The following RTF2 variants were observed in gnomAD, a reference collection of about 807,000 sequenced individuals.
The protein encoded by RTF2 is replication termination factor 2.
In RTF2, 18 loss-of-function variants were observed where a neutral mutation model predicts 38.0. The ratio of observed to expected loss-of-function variants is 0.47; its 90% confidence interval spans 0.33 to 0.70. The LOEUF (loss-of-function observed/expected upper bound fraction) is 0.70, where lower values mean the gene tolerates loss of function less well. RTF2 is among the 30% of genes least tolerant of loss of function. The pLI is 0.02. For missense variants in RTF2, 311 were observed against 379.6 expected, an observed-to-expected ratio of 0.82 and a Z score of 1.50; for synonymous variants, 126 against 137.1, an observed-to-expected ratio of 0.92 and a Z score of 0.57.
intron 1 of RTF2, among the ~76,000 whole-genome samples, chr20:56,469,004 A>G (rs775188262): frequency 1.3e-5 from 2 of 152,224 alleles, no homozygotes; most frequent in African/African-American, 2.4e-5. Context: ...AATTATCACA[A>G]TAGCCCTATA....
At chr20:56,506,020 G>T (rs1984246046) in intron 5 of RTF2, among the ~76,000 whole-genome samples, 1 of 152,172 alleles carries the variant, frequency 6.6e-6, no homozygotes, top group African/African-American at 2.4e-5. Context: ...CATACGACGT[G>T]ATGGGCACCG....
chr20:56,516,867 G>A, intron 6 of RTF2, 68 bp from the exon 7 acceptor site: 10 of 1,451,864 alleles, frequency 6.9e-6, no homozygotes, highest in South Asian at 1.1e-5. Flanking sequence ...GGGACAATGG[G>A]CAGCCACACT....
intron 1 of RTF2, 64 bp downstream of exon 1, chr20:56,468,830 G>A (rs1981815258): frequency 3.6e-6 from 5 of 1,392,434 alleles, no homozygotes; most frequent in Non-Finnish European, 4.0e-6. Context: ...CCCAGAAAAC[G>A]AGAGGAAGTA....
chr20:56,481,879 C>G (rs1040004705), intron 4 of RTF2, among the ~76,000 whole-genome samples: 1 of 152,194 alleles, frequency 6.6e-6, no homozygotes, highest in Non-Finnish European at 1.5e-5. Context: ...TGCATAGAAT[C>G]ATACAATATG....
chr20:56,507,236 C>T (rs181292458), intron 5 of RTF2, among the ~76,000 whole-genome samples: 2 of 152,250 alleles, frequency 1.3e-5, no homozygotes, highest in South Asian at 2.1e-4. Flanking sequence ...GCGGCAGCCC[C>T]ACTCCCCATC....
At chr20:56,514,994 C>T (rs1037667029) in intron 6 of RTF2, among the ~76,000 whole-genome samples, 6 of 151,042 alleles carry the variant, frequency 4.0e-5, no homozygotes, top group African/African-American at 1.5e-4. Flanking sequence ...TTGCAGTGAG[C>T]CGAGATCGCA....
intron 5 of RTF2, among the ~76,000 whole-genome samples, chr20:56,499,531 A>G (rs958114274): frequency 2.0e-5 from 3 of 152,042 alleles, no homozygotes; most frequent in Non-Finnish European, 4.4e-5. Context: ...ATTTTATATG[A>G]GATTTCTAAA....
intron 5 of RTF2, among the ~76,000 whole-genome samples, chr20:56,512,681 G>A (rs1057115654): frequency 6.6e-6 from 1 of 152,192 alleles, no homozygotes; most frequent in Non-Finnish European, 1.5e-5. Flanking sequence ...CTTAGCATAT[G>A]GTTGTATTCA....
intron 5 of RTF2, among the ~76,000 whole-genome samples, chr20:56,488,052 T>C (rs1400959532): frequency 6.6e-6 from 1 of 152,128 alleles, no homozygotes; most frequent in East Asian, 1.9e-4. Context: ...TAATACACAA[T>C]TTAGAAAATA....
At chr20:56,479,559 T>C (rs1019248002) in intron 4 of RTF2, among the ~76,000 whole-genome samples, 1 of 152,132 alleles carries the variant, frequency 6.6e-6, no homozygotes, top group Non-Finnish European at 1.5e-5. Context: ...TCTAGAATGG[T>C]GAATTCTTTC....
chr20:56,471,296 C>T (rs1025996088), intron 1 of RTF2, among the ~76,000 whole-genome samples: 31 of 152,160 alleles, frequency 2.0e-4, no homozygotes, highest in African/African-American at 7.0e-4. Flanking sequence ...TGGCCAGGCG[C>T]GGTGGCTCAC....
At chr20:56,477,622 A>C (rs1047383296) in intron 4 of RTF2, among the ~76,000 whole-genome samples, 6 of 152,058 alleles carry the variant, frequency 3.9e-5, no homozygotes, top group African/African-American at 1.4e-4. Context: ...GCCTCAAGCG[A>C]TCCTCCTGCC....
chr20:56,481,843 G>T (rs1321756357), intron 4 of RTF2, among the ~76,000 whole-genome samples: 3 of 152,226 alleles, frequency 2.0e-5, no homozygotes, highest in East Asian at 3.9e-4. Flanking sequence ...TGTCTCAATG[G>T]ATTTACCTCT....
intron 5 of RTF2, among the ~76,000 whole-genome samples, chr20:56,490,927 C>T (rs1983086644): frequency 6.6e-6 from 1 of 152,240 alleles, no homozygotes; most frequent in South Asian, 2.1e-4. Flanking sequence ...GCCCCTGTGG[C>T]TGTGGTGAGC....
chr20:56,487,540 AT>A (rs1982860482), intron 5 of RTF2, among the ~76,000 whole-genome samples: 1 of 152,314 alleles, frequency 6.6e-6, no homozygotes. Context: ...ACCTCAGGAA[AT>A]TGTCTTAAAG....
chr20:56,509,677 A>G (rs1406911662), intron 5 of RTF2, among the ~76,000 whole-genome samples: 1 of 152,030 alleles, frequency 6.6e-6, no homozygotes, highest in East Asian at 1.9e-4. Context: ...GAGAATCCTC[A>G]GGCATTGCTG....
intron 5 of RTF2, among the ~76,000 whole-genome samples, chr20:56,502,656 G>A (rs73913956): frequency 1.6e-3 from 238 of 152,214 alleles, no homozygotes; most frequent in African/African-American, 5.4e-3. Flanking sequence ...AGGTGAACCC[G>A]AAGTATTTTG....
chr20:56,508,481 T>C (rs1265337462), intron 5 of RTF2, among the ~76,000 whole-genome samples: 1 of 152,228 alleles, frequency 6.6e-6, no homozygotes, highest in Non-Finnish European at 1.5e-5. Context: ...CAGTGTCTTA[T>C]GGAGTAACTA....
chr20:56,471,768 G>A (rs886214526), intron 1 of RTF2: 3 of 152,288 alleles, frequency 2.0e-5, no homozygotes, highest in Non-Finnish European at 4.4e-5. Flanking sequence ...ACTCTCTGAG[G>A]TGCTTTTTGA....
Sources: allele counts gnomAD v4.1 joint callset (sites outside exome capture counted in the v4.1 genomes callset), GRCh38; gene constraint gnomAD v4.1.1; transcripts MANE v1.5; gene names NCBI Gene and HGNC (gene_info 2026-07-23, HGNC 2026-07-21).